Variants in PHACTR3 observed in about 807,000 individuals in gnomAD.
PHACTR3 encodes protein phosphatase 1, regulatory subunit 123.
In PHACTR3, 16 loss-of-function variants were observed where a neutral mutation model predicts 66.8. That is an observed-to-expected ratio of 0.24 (90% CI 0.16 to 0.36). PHACTR3 has a LOEUF of 0.36. PHACTR3 is among the 10% of genes least tolerant of loss of function. PHACTR3 has a pLI of 1.00. For missense variants in PHACTR3, 647 were observed against 719.9 expected, an observed-to-expected ratio of 0.90 and a Z score of 1.16; for synonymous variants, 323 against 292.1, an observed-to-expected ratio of 1.11 and a Z score of -1.08.
chr20:59,652,312 G>C (rs1328350358), intron 1 of PHACTR3, among the ~76,000 whole-genome samples: 11 of 152,136 alleles, frequency 7.2e-5, no homozygotes, highest in Admixed American at 7.2e-4. Context: ...GGGGCACCTA[G>C]CAGGGAGGAT....
chr20:59,744,825 G>T (rs928400416), intron 2 of PHACTR3, among the ~76,000 whole-genome samples: 29 of 152,314 alleles, frequency 1.9e-4, no homozygotes, highest in African/African-American at 6.7e-4. Context: ...AGAGCTTTCC[G>T]CAGAGTAGGG....
intron 1 of PHACTR3, among the ~76,000 whole-genome samples, chr20:59,688,692 T>C (rs1233830377): frequency 1.3e-5 from 2 of 152,210 alleles, no homozygotes; most frequent in Non-Finnish European, 2.9e-5. Context: ...TGTTTTTTTT[T>C]CTTAACTGCA....
intron 1 of PHACTR3, among the ~76,000 whole-genome samples, chr20:59,697,503 T>G (rs1421819129): frequency 6.6e-6 from 1 of 152,106 alleles, no homozygotes; most frequent in African/African-American, 2.4e-5. Context: ...TGGCTGTAGA[T>G]CTCCTCTACC....
At chr20:59,680,106 C>G (rs1648773617) in intron 1 of PHACTR3, among the ~76,000 whole-genome samples, 1 of 152,080 alleles carries the variant, frequency 6.6e-6, no homozygotes, top group Non-Finnish European at 1.5e-5. Context: ...CTTCCTGTCC[C>G]CATCTCCTGT....
intron 7 of PHACTR3, among the ~76,000 whole-genome samples, chr20:59,805,783 C>T (rs536625866): frequency 1.5e-4 from 23 of 152,306 alleles, no homozygotes; most frequent in Non-Finnish European, 2.6e-4. Flanking sequence ...AGGTGTCAGC[C>T]GGGACTGTAC....
At chr20:59,613,507 G>T (rs1182348845) in intron 1 of PHACTR3, among the ~76,000 whole-genome samples, 1 of 152,228 alleles carries the variant, frequency 6.6e-6, no homozygotes, top group African/African-American at 2.4e-5. Flanking sequence ...ACTCCCAGCT[G>T]CCAGGGAGCC....
chr20:59,663,486 TTTTG>T (rs2146483244), intron 1 of PHACTR3, among the ~76,000 whole-genome samples: 1 of 152,302 alleles, frequency 6.6e-6, no homozygotes, highest in South Asian at 2.1e-4. Context: ...TTTTCAGGTT[TTTTG>T]TTTGTTTTTA....
Position 59,692,750 on chromosome 20 carries a change from A to T in PHACTR3, c.119-50357A>T, listed in dbSNP as rs565698724. On this transcript the variant is annotated intron_variant, in intron 1 of 12. Coordinates refer to ENST00000371015, the MANE Select transcript of PHACTR3 (RefSeq NM_080672.5). ...TTGGAACCAGGGAGCCTTGGTTAAAATATCAGCTCCATCCCTTATGACCTT... is the reference window on the plus strand; with the variant it reads ...TTGGAACCAGGGAGCCTTGGTTAAATTATCAGCTCCATCCCTTATGACCTT... Among the ~76,000 whole-genome samples the T allele has an allele frequency of 3.3e-5, 5 of 152,316 alleles. No individual in the cohort carries two copies. The South Asian group carries it at 1.0e-3, about 32-fold the overall frequency.
chr20:59,604,847 G>A lies in PHACTR3; in HGVS notation c.-168G>A. On this transcript the variant is annotated 5_prime_UTR_variant, in exon 1 of 13. Transcript: ENST00000371015. ...TCCCCGCCCTGAAGCCAGCCCCGGCGTCTTTCTCCAGCTCGTTTCCTTTCC... is the reference window on the plus strand; with the variant it reads ...TCCCCGCCCTGAAGCCAGCCCCGGCATCTTTCTCCAGCTCGTTTCCTTTCC... The A allele has an allele frequency of 8.3e-7, 1 of 1,206,820 alleles. No homozygotes were observed. Among genetic ancestry groups the A allele is most frequent in the Non-Finnish European group, 1.0e-6 (1 of 975,724 alleles). The allele number at this position is 1,206,820 out of a possible 1,614,324, so 74.8% of individuals were successfully genotyped here. A position where few individuals can be genotyped will look rare whatever the true frequency, so the allele number is the denominator to read the frequency against.
At chr20:59,843,044 C>T (rs138418327) in intron 11 of PHACTR3, among the ~76,000 whole-genome samples, 1,945 of 152,126 alleles carry the variant, frequency 0.013, 41 homozygotes, top group African/African-American at 0.042. Flanking sequence ...CACAAAATCA[C>T]ACAAAAATTA....
At chr20:59,655,720 C>CT (rs2035599079) in intron 1 of PHACTR3, among the ~76,000 whole-genome samples, 1 of 151,742 alleles carries the variant, frequency 6.6e-6, no homozygotes, top group African/African-American at 2.4e-5. Context: ...TTTTTCTACT[C>CT]TTTTCGAGTG....
At chr20:59,632,010 G>C (rs1452102541) in intron 1 of PHACTR3, among the ~76,000 whole-genome samples, 1 of 152,204 alleles carries the variant, frequency 6.6e-6, no homozygotes, top group Non-Finnish European at 1.5e-5. Context: ...GAGTGTCCCT[G>C]CTTCTGAACC....
At chr20:59,648,170 C>T (rs748149930) in intron 1 of PHACTR3, among the ~76,000 whole-genome samples, 2 of 152,166 alleles carry the variant, frequency 1.3e-5, no homozygotes, top group Non-Finnish European at 2.9e-5. Context: ...GCCCATTGAC[C>T]ACAGGGTCTA....
intron 11 of PHACTR3, among the ~76,000 whole-genome samples, chr20:59,843,087 TAAGA>T (rs1457189728): frequency 4.6e-5 from 7 of 151,842 alleles, no homozygotes; most frequent in African/African-American, 1.7e-4. Context: ...ATGGACTAGC[TAAGA>T]AAGAAATCAA....
chr20:59,771,841 G>A (rs1320289517), intron 5 of PHACTR3, among the ~76,000 whole-genome samples: 1 of 152,226 alleles, frequency 6.6e-6, no homozygotes, highest in African/African-American at 2.4e-5. Context: ...ACTTTTTATT[G>A]ATGCTGTCCA....
intron 7 of PHACTR3, among the ~76,000 whole-genome samples, chr20:59,792,894 A>G (rs1045161986): frequency 2.6e-5 from 4 of 151,654 alleles, no homozygotes; most frequent in Admixed American, 2.6e-4. Context: ...ATTTTATTTT[A>G]TTTTTTTAGA....
At chr20:59,621,631 T>G (rs2034243304) in intron 1 of PHACTR3, among the ~76,000 whole-genome samples, 1 of 152,248 alleles carries the variant, frequency 6.6e-6, no homozygotes, top group Admixed American at 6.5e-5. Flanking sequence ...AGGCACTGGC[T>G]GGCAGTGGCA....
intron 9 of PHACTR3, among the ~76,000 whole-genome samples, 195 bp from the exon 10 acceptor site, chr20:59,840,174 A>G (rs879720336): frequency 5.9e-5 from 9 of 152,198 alleles, no homozygotes; most frequent in Non-Finnish European, 1.0e-4. Flanking sequence ...GCTTAGTACA[A>G]GTATTTCTGT....
intron 8 of PHACTR3, 59 bp downstream of exon 8, chr20:59,806,253 C>T: frequency 6.4e-7 from 1 of 1,574,000 alleles, no homozygotes; most frequent in Non-Finnish European, 8.6e-7. Context: ...GGCGGAGCCC[C>T]TCTGAGATCC....
Sources: allele counts gnomAD v4.1 joint callset (sites outside exome capture counted in the v4.1 genomes callset), GRCh38; gene constraint gnomAD v4.1.1; transcripts MANE v1.5; gene names NCBI Gene and HGNC (gene_info 2026-07-23, HGNC 2026-07-21).